Variants in INPP5K observed in about 807,000 individuals in gnomAD.
INPP5K encodes inositol polyphosphate 5-phosphatase K.
A neutral mutation model predicts 53.5 loss-of-function variants in INPP5K; 35 were observed. That is an observed-to-expected ratio of 0.65 (90% CI 0.50 to 0.87). INPP5K has a LOEUF of 0.87. INPP5K is among the 40% of genes least tolerant of loss of function. The probability of loss-of-function intolerance (pLI) is 0.00; values close to 1 mark genes in which losing one functional copy is unlikely to be tolerated. For missense variants in INPP5K, 550 were observed against 586.2 expected (o/e 0.94, Z 0.64); for synonymous variants, 253 against 232.8 (o/e 1.09, Z -0.79).
chr17:1,507,232 G>A, intron 6 of INPP5K, 143 bp from the exon 7 acceptor site: 1 of 625,284 alleles, frequency 1.6e-6, no homozygotes, highest in South Asian at 1.9e-5. Flanking sequence ...CTGCCCCAGT[G>A]ACTACTCAGC....
At chr17:1,515,339 G>T in intron 1 of INPP5K, 1 of 727,230 alleles carries the variant, frequency 1.4e-6, no homozygotes, top group Non-Finnish European at 1.7e-6. Context: ...TTCCACCTCA[G>T]CTTACAAGTC....
At chr17:1,515,484 CGGAGCACAGAGCGGGCA>C in intron 1 of INPP5K, 1 of 985,544 alleles carries the variant, frequency 1.0e-6, no homozygotes, top group Non-Finnish European at 1.2e-6. Flanking sequence ...TCAGACTGTG[CGGAGCACAGAGCGGGCA>C]GGAGCTACAG....
intron 3 of INPP5K, 90 bp downstream of exon 3, chr17:1,513,363 G>C: frequency 9.9e-7 from 1 of 1,008,010 alleles, no homozygotes; most frequent in Non-Finnish European, 1.6e-6. Context: ...AGGCTGAGCA[G>C]GAGTAAGAGG....
chr17:1,496,642 C>T, intron 9 of INPP5K, 24 bp downstream of exon 9: 1 of 1,613,300 alleles, frequency 6.2e-7, no homozygotes, highest in East Asian at 2.2e-5. Context: ...CGCTGATGGA[C>T]TTCCTGCCTT....
intron 8 of INPP5K, chr17:1,497,688 CCCCAAGGGAGAATA>C: frequency 2.2e-6 from 1 of 446,522 alleles, no homozygotes; most frequent in South Asian, 3.6e-5. Flanking sequence ...AACTCATTAG[CCCCAAGGGAGAATA>C]CCCAAAGGAA....
At chr17:1,508,778 G>A (rs1440091780) in intron 5 of INPP5K, among the ~76,000 whole-genome samples, 3 of 126,966 alleles carry the variant, frequency 2.4e-5, no homozygotes, top group Non-Finnish European at 3.4e-5. Context: ...AGGCTCACTC[G>A]TGGCGGTCAG....
At chr17:1,497,750 G>C in intron 8 of INPP5K, 186 bp downstream of exon 8, 1 of 582,440 alleles carries the variant, frequency 1.7e-6, no homozygotes, top group South Asian at 2.3e-5. Context: ...ACACGGTTTT[G>C]ACAGACAGAG....
chr17:1,516,261 T>C (rs1374955801), intron 1 of INPP5K, 195 bp downstream of exon 1: 1 of 861,488 alleles, frequency 1.2e-6, no homozygotes, highest in Non-Finnish European at 1.7e-6. Flanking sequence ...GGAACGAGCT[T>C]GGCGGCCTCG....
chr17:1,499,731 C>G (rs983370013), intron 7 of INPP5K, among the ~76,000 whole-genome samples: 1 of 152,212 alleles, frequency 6.6e-6, no homozygotes, highest in African/African-American at 2.4e-5. Flanking sequence ...GCAGCTCTGA[C>G]TCCTGGAGGT....
At chr17:1,504,401 A>G (rs2075105604) in intron 7 of INPP5K, among the ~76,000 whole-genome samples, 2 of 152,336 alleles carry the variant, frequency 1.3e-5, no homozygotes, top group South Asian at 2.1e-4. Context: ...TTAGACAGGA[A>G]TATCTGTTCC....
At chr17:1,516,385 C>A in intron 1 of INPP5K, 71 bp downstream of exon 1, 1 of 1,482,882 alleles carries the variant, frequency 6.7e-7, no homozygotes. Flanking sequence ...GCCTTGTCCA[C>A]CCCCAGCCCG....
In INPP5K at chr17:1,513,883, T is replaced by C. The variant is rs1417750712; in HGVS notation, c.141A>G (p.Ile47Met). Residue 47 changes from isoleucine to methionine, a missense_variant, in exon 2 of 12, where the codon ATA (isoleucine) becomes ATG (methionine). Transcript: ENST00000421807. ...QLNNRNLNLD[I>M]YVIGLQELNS... ...CTGCAGATACCTACCCAATAACATA[T>C]ATGTCAAGATTGAGGTTCCGGTTGT... 14 of 1,612,046 alleles carry C rather than the reference T, an allele frequency of 8.7e-6. No homozygotes were observed. Among genetic ancestry groups the C allele is most frequent in the Non-Finnish European group, 1.2e-5 (14 of 1,178,478 alleles).
chr17:1,503,461 G>A (rs1350354647), intron 7 of INPP5K, among the ~76,000 whole-genome samples: 3 of 152,106 alleles, frequency 2.0e-5, no homozygotes, highest in Non-Finnish European at 4.4e-5. Flanking sequence ...GGGATTTCAG[G>A]CGTGAGCCAC....
intron 1 of INPP5K, among the ~76,000 whole-genome samples, chr17:1,514,494 C>T (rs973774702): frequency 2.6e-5 from 4 of 152,166 alleles, no homozygotes; most frequent in Admixed American, 6.5e-5. Context: ...ATCCCCACCC[C>T]GGACTGGGTC....
rs557148678 is a variant in INPP5K, at chr17:1,514,969, T to C, written c.45-990A>G. 3.3e-5 allele frequency among the ~76,000 whole-genome samples: 5 copies of C among 150,404 alleles called. No individual in the cohort carries two copies. The South Asian group carries it at 1.1e-3, about 32-fold the overall frequency. On this transcript the variant is annotated intron_variant, in intron 1 of 11. Transcript: ENST00000421807. ...TTGCCCAGGCTGGAGTGGACTGGGA[T>C]GATCTCGGCTCATCGCAGCCTCCGC...
intron 2 of INPP5K, 99 bp downstream of exon 2, chr17:1,513,773 G>T: frequency 9.8e-7 from 1 of 1,024,032 alleles, no homozygotes; most frequent in Non-Finnish European, 1.5e-6. Flanking sequence ...AAAGCTCCCA[G>T]CCTTCAGACT....
chr17:1,506,883 GC>G, intron 7 of INPP5K, 96 bp downstream of exon 7: 7 of 821,206 alleles, frequency 8.5e-6, no homozygotes, highest in Middle Eastern at 2.4e-4. Context: ...ACCAATTCCT[GC>G]CCCCCCTAAC....
chr17:1,496,043 T>C lies in INPP5K; in HGVS notation c.1290+17A>G, dbSNP rs2074825631. 2 of 1,557,834 alleles carry C rather than the reference T, an allele frequency of 1.3e-6. No homozygotes were observed. The highest frequency in any genetic ancestry group is 1.8e-6 in the Non-Finnish European group (2 of 1,129,360). Reference sequence around the variant, plus strand: ...TCAAGCCCTCACCCTTCCCCTTCCCTCACCAGCACTGCTTACCTGGAAGGG... The same window carrying C: ...TCAAGCCCTCACCCTTCCCCTTCCCCCACCAGCACTGCTTACCTGGAAGGG... On this transcript the variant is annotated intron_variant, in intron 11 of 11. Coordinates refer to ENST00000421807, the MANE Select transcript of INPP5K (RefSeq NM_016532.4).
At chr17:1,515,985 G>A in intron 1 of INPP5K, 1 of 994,766 alleles carries the variant, frequency 1.0e-6, no homozygotes, top group African/African-American at 1.7e-5. Flanking sequence ...GACTAAGTGG[G>A]CGATTAGCGT....
Sources: gnomAD v4.1 joint callset for allele counts (sites outside exome capture counted in the v4.1 genomes callset) on GRCh38, gnomAD v4.1.1 for gene constraint, MANE v1.5 for transcripts, NCBI Gene and HGNC (gene_info 2026-07-23, HGNC 2026-07-21) for gene names.